DOP1A: variants seen among roughly 807,000 people sequenced by gnomAD.
The protein encoded by DOP1A is protein DOP1A.
A neutral mutation model predicts 267.6 loss-of-function variants in DOP1A; 90 were observed. The observed-to-expected ratio is 0.34, with a 90% CI of 0.28 to 0.40. The LOEUF is 0.40. Among genes scored for constraint, DOP1A ranks in the 10% least tolerant of loss-of-function variants. The probability of loss-of-function intolerance (pLI) is 1.00; values close to 1 mark genes in which losing one functional copy is unlikely to be tolerated. For missense variants in DOP1A, 2,437 were observed against 2,900.4 expected (o/e 0.84, Z 3.67); for synonymous variants, 932 against 999.1 (o/e 0.93, Z 1.27).
intron 3 of DOP1A, among the ~76,000 whole-genome samples, chr6:83,099,077 G>C (rs1447128240): frequency 1.3e-5 from 2 of 152,082 alleles, no homozygotes; most frequent in Non-Finnish European, 2.9e-5. Flanking sequence ...GGAAAAGTCA[G>C]AGAGAAATTG....
chr6:83,099,761 C>CAT (rs562010183), intron 3 of DOP1A, among the ~76,000 whole-genome samples: 1 of 150,030 alleles, frequency 6.7e-6, no homozygotes, highest in Admixed American at 6.6e-5. Flanking sequence ...TACACATACA[C>CAT]ATATATATAT....
intron 24 of DOP1A, among the ~76,000 whole-genome samples, chr6:83,144,468 G>A (rs1780154145): frequency 2.0e-5 from 3 of 152,074 alleles, no homozygotes; most frequent in Admixed American, 2.0e-4. Context: ...TTTTTAATAG[G>A]TACAGAGAAA....
At chr6:83,165,701 G>T in intron 38 of DOP1A, 1 of 231,812 alleles carries the variant, frequency 4.3e-6, no homozygotes, top group Non-Finnish European at 9.1e-6. Context: ...TTGGCAAGAG[G>T]TCAGGTGAAT....
chr6:83,140,515 A>G (rs1272942470), intron 23 of DOP1A, 112 bp downstream of exon 23: 12 of 905,746 alleles, frequency 1.3e-5, no homozygotes, highest in Non-Finnish European at 1.4e-5. Flanking sequence ...TCTGCTAATT[A>G]TCAAATAATT....
intron 1 of DOP1A, among the ~76,000 whole-genome samples, chr6:83,068,669 T>C (rs985676184): frequency 2.6e-5 from 4 of 152,232 alleles, no homozygotes; most frequent in African/African-American, 9.6e-5. Flanking sequence ...CCATTGTCTA[T>C]GCAGACATAA....
At chr6:83,099,441 C>CT (rs1772125881) in intron 3 of DOP1A, among the ~76,000 whole-genome samples, 1 of 151,762 alleles carries the variant, frequency 6.6e-6, no homozygotes, top group African/African-American at 2.4e-5. Context: ...TAGTTAGGTT[C>CT]TTTTTTTTCC....
In DOP1A at chr6:83,084,595, T is replaced by A. The variant is rs145542361; in HGVS notation, c.-146-12136T>A. The stretch of plus-strand genomic sequence containing the variant: ...TTTGTTTTTTTTGTTTTGTTTTGTT[T>A]TTTTTGAGACAGAGTCTTGCTTTGT... On this transcript the variant is annotated intron_variant, in intron 1 of 38. Coordinates refer to ENST00000349129, the MANE Select transcript of DOP1A (RefSeq NM_015018.4). Among the ~76,000 whole-genome samples the A allele has an allele frequency of 2.4e-3, 371 of 152,262 alleles. 8 individuals carry two copies. In the East Asian group the frequency reaches 0.026, roughly 11 times the overall value.
intron 11 of DOP1A, among the ~76,000 whole-genome samples, 169 bp from the exon 12 acceptor site, chr6:83,122,694 T>C (rs750405260): frequency 8.6e-5 from 13 of 152,000 alleles, no homozygotes; most frequent in Non-Finnish European, 1.6e-4. Flanking sequence ...TAACTGCCCA[T>C]AAAATGATAG....
At chr6:83,168,728 C>CT (rs1786426205), downstream of DOP1A, 5 of 997,604 alleles carry the variant, frequency 5.0e-6, no homozygotes, top group Non-Finnish European at 6.0e-6. Flanking sequence ...ATTCATACCT[C>CT]TGAGTTCCTG....
At chr6:83,068,152 A>T (rs1321647516) in intron 1 of DOP1A, among the ~76,000 whole-genome samples, 1 of 152,168 alleles carries the variant, frequency 6.6e-6, no homozygotes, top group East Asian at 1.9e-4. Flanking sequence ...CACCTGTGCG[A>T]TGGAGGCGTG....
intron 33 of DOP1A, among the ~76,000 whole-genome samples, chr6:83,154,505 T>C (rs1180493604): frequency 1.3e-5 from 2 of 152,214 alleles, no homozygotes; most frequent in African/African-American, 4.8e-5. Flanking sequence ...GAAGGGTCCA[T>C]GTCTAATTTG....
Position 83,138,935 on chromosome 6 carries a change from T to C in DOP1A, c.4893T>C (p.Ala1631=), listed in dbSNP as rs1779217101. 1.2e-6 allele frequency: 2 copies of C among 1,613,980 alleles called. No homozygotes were observed. Among genetic ancestry groups the C allele is most frequent in the African/African-American group, 2.7e-5 (2 of 74,918 alleles). The change falls in exon 21 of 39, where the codon GCT becomes GCC. Residue 1631 remains alanine (A), a synonymous_variant. Transcript: ENST00000349129. ...QPMTSLQYLH[A]QPITCQGMFL... ...TGACTTCTCTTCAGTATTTGCATGC[T>C]CAGCCAATCACATGTCAAGGCATGT...
intron 1 of DOP1A, among the ~76,000 whole-genome samples, chr6:83,080,391 A>G (rs1294919087): frequency 6.6e-6 from 1 of 152,206 alleles, no homozygotes; most frequent in East Asian, 1.9e-4. Flanking sequence ...CAAAATAAGG[A>G]AAACTTCCTT....
intron 37 of DOP1A, among the ~76,000 whole-genome samples, chr6:83,162,420 T>G (rs1757670655): frequency 1.3e-5 from 2 of 152,156 alleles, no homozygotes; most frequent in African/African-American, 4.8e-5. Flanking sequence ...ACTGTTATGT[T>G]GCAGTACAAA....
At chr6:83,091,979 C>T (rs994013586) in intron 1 of DOP1A, among the ~76,000 whole-genome samples, 10 of 152,160 alleles carry the variant, frequency 6.6e-5, no homozygotes, top group South Asian at 2.1e-4. Flanking sequence ...CTTCTGATTT[C>T]TGAGAAACAG....
At chr6:83,078,711 T>G (rs1767563670) in intron 1 of DOP1A, among the ~76,000 whole-genome samples, 1 of 152,094 alleles carries the variant, frequency 6.6e-6, no homozygotes, top group Admixed American at 6.6e-5. Context: ...TGAGGAGAGG[T>G]GTAGTAACAG....
intron 11 of DOP1A, 116 bp from the exon 12 acceptor site, chr6:83,122,747 C>G: frequency 4.4e-6 from 3 of 678,598 alleles, no homozygotes; most frequent in South Asian, 7.0e-5. Flanking sequence ...AATCTTCTTA[C>G]TAGCACATTT....
At chr6:83,105,259 G>A (rs1773378547) in intron 4 of DOP1A, among the ~76,000 whole-genome samples, 4 of 150,260 alleles carry the variant, frequency 2.7e-5, no homozygotes, top group South Asian at 2.1e-4. Context: ...ATAAAGAAAC[G>A]CTATTTGTTA....
intron 1 of DOP1A, among the ~76,000 whole-genome samples, chr6:83,075,057 T>C (rs994645606): frequency 3.9e-5 from 6 of 152,244 alleles, no homozygotes; most frequent in African/African-American, 9.6e-5. Flanking sequence ...CTTTCAGATA[T>C]GTATTGTACA....
Sources: gnomAD v4.1 joint callset for allele counts (sites outside exome capture counted in the v4.1 genomes callset) on GRCh38, gnomAD v4.1.1 for gene constraint, MANE v1.5 for transcripts, NCBI Gene and HGNC (gene_info 2026-07-23, HGNC 2026-07-21) for gene names.